The following CTNNA1 variants were observed in gnomAD, a reference collection of about 807,000 sequenced individuals.
CTNNA1 encodes catenin alpha-1.
Under a neutral mutation model 98.4 loss-of-function variants are expected in CTNNA1, and 37 were observed. That is an observed-to-expected ratio of 0.38 (90% CI 0.29 to 0.49). CTNNA1 has a LOEUF of 0.49. Ranked by LOEUF, CTNNA1 falls within the 20% of genes least tolerant of loss-of-function variation. The pLI is 0.95. For synonymous variants in CTNNA1, 404 were observed against 413.2 expected (o/e 0.98, Z 0.27); for missense variants, 761 against 1,147.2 (o/e 0.66, Z 4.86).
chr5:138,785,305 C>A (rs2149662680), intron 3 of CTNNA1, among the ~76,000 whole-genome samples: 1 of 152,082 alleles, frequency 6.6e-6, no homozygotes, highest in South Asian at 2.1e-4. Context: ...TCGTGATCCG[C>A]CCGCCTCGGC....
At chr5:138,756,881 T>A (rs1751708973) in intron 1 of CTNNA1, among the ~76,000 whole-genome samples, 1 of 151,800 alleles carries the variant, frequency 6.6e-6, no homozygotes, top group Non-Finnish European at 1.5e-5. Context: ...GGAGCTGTAT[T>A]TTGGAGAAAT....
intron 1 of CTNNA1, among the ~76,000 whole-genome samples, chr5:138,769,566 CTT>C (rs1275086306): frequency 1.3e-5 from 2 of 151,522 alleles, no homozygotes; most frequent in Non-Finnish European, 2.9e-5. Context: ...GAGTTTCGCT[CTT>C]GTTGCCCAGG....
At chr5:138,802,096 G>T (rs907665293) in intron 3 of CTNNA1, among the ~76,000 whole-genome samples, 4 of 152,200 alleles carry the variant, frequency 2.6e-5, no homozygotes, top group Admixed American at 2.6e-4. Context: ...ATGATGATTC[G>T]CCAAGGGATT....
chr5:138,890,119 C>T (rs1426552148), intron 9 of CTNNA1, among the ~76,000 whole-genome samples: 1 of 152,104 alleles, frequency 6.6e-6, no homozygotes, highest in Non-Finnish European at 1.5e-5. Context: ...GGGCCATTTG[C>T]CATTTTCCCT....
At chr5:138,782,863 G>A (rs904164071) in intron 2 of CTNNA1, among the ~76,000 whole-genome samples, 1 of 152,172 alleles carries the variant, frequency 6.6e-6, no homozygotes, top group African/African-American at 2.4e-5. Flanking sequence ...ACATCTTGGT[G>A]ACATATAGTA....
intron 3 of CTNNA1, among the ~76,000 whole-genome samples, chr5:138,790,054 G>A: frequency 6.6e-6 from 1 of 152,322 alleles, no homozygotes; most frequent in Non-Finnish European, 1.5e-5. Flanking sequence ...TGTTAGCTGT[G>A]TGCAGGAAGG....
intron 3 of CTNNA1, among the ~76,000 whole-genome samples, chr5:138,806,772 T>C (rs887739818): frequency 1.3e-5 from 2 of 151,900 alleles, no homozygotes; most frequent in African/African-American, 4.8e-5. Flanking sequence ...TATATTAATA[T>C]ATAATATACA....
chr5:138,904,613 T>C, intron 10 of CTNNA1, 172 bp downstream of exon 10: 1 of 847,658 alleles, frequency 1.2e-6, no homozygotes, highest in Non-Finnish European at 1.8e-6. Context: ...TGTTTAACAT[T>C]AAGTGACATT....
At chr5:138,899,151 A>G (rs1757511774) in intron 9 of CTNNA1, among the ~76,000 whole-genome samples, 1 of 152,106 alleles carries the variant, frequency 6.6e-6, no homozygotes, top group Non-Finnish European at 1.5e-5. Context: ...ATCTGATTAC[A>G]CAGGTGGTGG....
In CTNNA1 at chr5:138,887,639, T is replaced by G. The variant is rs755215402; in HGVS notation, c.1293T>G (p.Ile431Met). 1.2e-6 allele frequency: 2 copies of G among 1,606,766 alleles called. No homozygotes were observed. The highest frequency in any genetic ancestry group is 1.7e-6 in the Non-Finnish European group (2 of 1,177,772). ...TCCGTGAACATGCCAACAAATTGATTGAGGTAAGTGAATTAGCAGTTTCAT... is the reference window on the plus strand; with the variant it reads ...TCCGTGAACATGCCAACAAATTGATGGAGGTAAGTGAATTAGCAGTTTCAT... ...QVFREHANKL[I>M]EVANLACSIS... is the part of the protein sequence containing the mutation. The change falls in exon 9 of 18, where the codon ATT (isoleucine) becomes ATG (methionine). Residue 431 changes from isoleucine to methionine, a missense_variant. Physicochemically the swap from Ile to Met is conservative, Grantham distance 10 (BLOSUM62 1). Around this residue, in one of 6 missense-constraint regions of CTNNA1, gnomAD observed 287 missense variants for 436.0 expected, o/e 0.66. Transcript: ENST00000302763.
At chr5:138,768,669 G>A (rs1428647679) in intron 1 of CTNNA1, among the ~76,000 whole-genome samples, 1 of 149,692 alleles carries the variant, frequency 6.7e-6, no homozygotes, top group Non-Finnish European at 1.5e-5. Flanking sequence ...CTGAACTCCT[G>A]GGTACAGGTG....
intron 13 of CTNNA1, among the ~76,000 whole-genome samples, chr5:138,926,294 T>C (rs1338726328): frequency 6.6e-6 from 1 of 152,206 alleles, no homozygotes; most frequent in East Asian, 1.9e-4. Flanking sequence ...TTTGAGTCCA[T>C]AGTTGAATAT....
At chr5:138,769,044 G>A (rs928720264) in intron 1 of CTNNA1, among the ~76,000 whole-genome samples, 6 of 151,922 alleles carry the variant, frequency 3.9e-5, no homozygotes, top group African/African-American at 1.5e-4. Flanking sequence ...ATTCTTTCTT[G>A]TTTTCTTTCT....
At chr5:138,780,180 T>A (rs969604189) in intron 1 of CTNNA1, among the ~76,000 whole-genome samples, 1 of 151,856 alleles carries the variant, frequency 6.6e-6, no homozygotes, top group African/African-American at 2.4e-5. Context: ...GATTTTATTT[T>A]ATTTATTTAT....
chr5:138,928,022 C>T (rs1307086283), intron 13 of CTNNA1, among the ~76,000 whole-genome samples: 1 of 152,020 alleles, frequency 6.6e-6, no homozygotes, highest in African/African-American at 2.4e-5. Flanking sequence ...GGGACAGGCC[C>T]AGCCTTTGCA....
chr5:138,783,050 T>C (rs1450138587), intron 2 of CTNNA1, 127 bp from the exon 3 acceptor site: 15 of 658,904 alleles, frequency 2.3e-5, no homozygotes, highest in Admixed American at 1.3e-4. Context: ...ATATGGGGAA[T>C]TGTATGTTAA....
rs1762951827 is a variant in CTNNA1 at position 138,848,873 on chromosome 5, A to G, written c.1062+21155A>G. Reference sequence around the variant, plus strand: ...TGAGTAGCTGGGATTACAGGTATGCACCATCATACCCAGCTAATTTTTGTA... The same window carrying G: ...TGAGTAGCTGGGATTACAGGTATGCGCCATCATACCCAGCTAATTTTTGTA... On this transcript the variant is annotated intron_variant, in intron 7 of 17. Transcript: ENST00000302763. Among the ~76,000 whole-genome samples, 14 of 152,096 alleles carry G rather than the reference A, an allele frequency of 9.2e-5. 1 individual carries two copies. Among genetic ancestry groups the G allele is most frequent in the Admixed American group, 8.5e-4 (13 of 15,250 alleles).
At chr5:138,930,729 A>G in intron 15 of CTNNA1, 75 bp downstream of exon 15, 1 of 1,560,146 alleles carries the variant, frequency 6.4e-7, no homozygotes, top group Non-Finnish European at 8.8e-7. Flanking sequence ...GCAGCGGCTC[A>G]GACAGCCCAG....
chr5:138,899,218 T>G (rs560053752), intron 9 of CTNNA1, among the ~76,000 whole-genome samples: 1 of 152,226 alleles, frequency 6.6e-6, no homozygotes, highest in African/African-American at 2.4e-5. Context: ...GTTTTTGTTT[T>G]TGTTTTTTTA....
Sources: allele counts gnomAD v4.1 joint callset (sites outside exome capture counted in the v4.1 genomes callset), GRCh38; gene constraint gnomAD v4.1.1; regional missense constraint gnomAD v4.1.1; transcripts MANE v1.5; gene names NCBI Gene and HGNC (gene_info 2026-07-23, HGNC 2026-07-21).